Variants in FGF14 observed in about 807,000 individuals in gnomAD.
FGF14 encodes the protein fibroblast growth factor 14.
Under a neutral mutation model 25.5 loss-of-function variants are expected in FGF14, and 5 were observed. That is an observed-to-expected ratio of 0.20 (90% CI 0.10 to 0.41). The LOEUF is 0.41. Ranked by LOEUF, FGF14 falls within the 10% of genes least tolerant of loss-of-function variation. The pLI is 1.00. For synonymous variants in FGF14, 138 were observed against 118.3 expected, an observed-to-expected ratio of 1.17 and a Z score of -1.08; for missense variants, 222 against 320.1, an observed-to-expected ratio of 0.69 and a Z score of 2.34.
chr13:101,915,552 C>CAG (rs938651003), intron 1 of FGF14, among the ~76,000 whole-genome samples: 5 of 152,068 alleles, frequency 3.3e-5, no homozygotes, highest in African/African-American at 7.2e-5. Flanking sequence ...CAGAGACAGG[C>CAG]AGAGAGAGAG....
At chr13:101,903,238 G>GGTGTGTGT (rs3065974) in intron 1 of FGF14, among the ~76,000 whole-genome samples, 6,438 of 149,540 alleles carry the variant, frequency 0.043, 230 homozygotes, top group African/African-American at 0.093. Flanking sequence ...CTCTAATTGT[G>GGTGTGTGT]GTGTGTGTGT....
intron 3 of FGF14, among the ~76,000 whole-genome samples, chr13:101,823,598 C>T (rs939117242): frequency 6.7e-6 from 1 of 150,356 alleles, no homozygotes; most frequent in Admixed American, 6.6e-5. Context: ...CCACTATGCC[C>T]AGCTAACTTT....
At chr13:101,749,540 A>C (rs1043589671) in intron 3 of FGF14, among the ~76,000 whole-genome samples, 2 of 152,098 alleles carry the variant, frequency 1.3e-5, no homozygotes, top group Non-Finnish European at 2.9e-5. Context: ...TAAAATTTCT[A>C]AGTATGCAAA....
At chr13:102,190,628 T>C (rs1441579792) in intron 1 of FGF14, among the ~76,000 whole-genome samples, 1 of 152,126 alleles carries the variant, frequency 6.6e-6, no homozygotes, top group Non-Finnish European at 1.5e-5. Flanking sequence ...TAGATAAGGA[T>C]AAAACCAATG....
chr13:101,982,539 A>T (rs1337985284), intron 1 of FGF14, among the ~76,000 whole-genome samples: 2 of 152,200 alleles, frequency 1.3e-5, no homozygotes, highest in Non-Finnish European at 2.9e-5. Flanking sequence ...CTTTTATGTG[A>T]ATGTCTAACT....
At position 102,401,210 on chromosome 13, in the gene FGF14, T is replaced by TA. The variant is rs112789825; in HGVS notation, c.208+260dup. ...ACCAAACATAGGCAACCAAATACATTAAAAAAAAAAAAAAAGTTTCCTCCT... is the reference window on the plus strand; with the variant it reads ...ACCAAACATAGGCAACCAAATACATTAAAAAAAAAAAAAAAAGTTTCCTCCT... On this transcript the variant is annotated intron_variant, in intron 1 of 4. Transcript: ENST00000376131. Among the ~76,000 whole-genome samples the TA allele has an allele frequency of 0.052, 7,066 of 136,482 alleles. 399 individuals carry two copies. Among genetic ancestry groups the TA allele is most frequent in the African/African-American group, 0.16 (5,789 of 37,346 alleles). 89.5% of individuals were successfully genotyped at this position (136,482 alleles called of 152,430 possible). A position where few individuals can be genotyped will look rare whatever the true frequency, so the allele number is the denominator to read the frequency against.
At chr13:102,227,793 G>C (rs1028609150) in intron 1 of FGF14, among the ~76,000 whole-genome samples, 27 of 152,092 alleles carry the variant, frequency 1.8e-4, no homozygotes, top group African/African-American at 6.3e-4. Flanking sequence ...AGGAAATGTA[G>C]GATTCTGTTC....
intron 1 of FGF14, among the ~76,000 whole-genome samples, chr13:102,020,084 TTGA>T (rs780244613): frequency 1.3e-4 from 20 of 152,088 alleles, no homozygotes; most frequent in Non-Finnish European, 1.3e-4. Context: ...AATCATGATG[TTGA>T]TGATAATGAA....
intron 3 of FGF14, among the ~76,000 whole-genome samples, chr13:101,812,794 G>C (rs993039330): frequency 2.7e-5 from 4 of 148,834 alleles, no homozygotes; most frequent in African/African-American, 9.9e-5. Context: ...AGCCTCCTGA[G>C]TAGCTGGGAT....
chr13:102,026,599 T>G (rs1016571272), intron 1 of FGF14, among the ~76,000 whole-genome samples: 2 of 152,018 alleles, frequency 1.3e-5, no homozygotes, highest in Non-Finnish European at 2.9e-5. Context: ...CTGTATTATT[T>G]GTCGTCTATA....
At chr13:102,366,838 A>G (rs569235237) in intron 1 of FGF14, among the ~76,000 whole-genome samples, 2 of 152,326 alleles carry the variant, frequency 1.3e-5, no homozygotes, top group African/African-American at 4.8e-5. Flanking sequence ...CTAGCAGAGT[A>G]TATCATTTTT....
At chr13:101,954,990 A>C (rs1441667856) in intron 1 of FGF14, among the ~76,000 whole-genome samples, 1 of 152,236 alleles carries the variant, frequency 6.6e-6, no homozygotes, top group Non-Finnish European at 1.5e-5. Flanking sequence ...TTCCAAAATA[A>C]AAATTAGACA....
chr13:101,720,842 A>G lies in FGF14; in HGVS notation c.*1989T>C, dbSNP rs1340319861. ...TGTAATTTAGCATCATTGGCAATAA[A>G]TCTACTCAAACGTTCTGCTAACTTT... On this transcript the variant is annotated 3_prime_UTR_variant, in exon 5 of 5. Transcript: ENST00000376143. 14 of 152,130 alleles carry G rather than the reference A, an allele frequency of 9.2e-5. No individual in the cohort carries two copies. The highest frequency in any genetic ancestry group is 9.2e-4 in the Admixed American group (14 of 15,256). 9.4% of individuals were successfully genotyped at this position (152,130 alleles called of 1,614,324 possible). A position where few individuals can be genotyped will look rare whatever the true frequency, so the allele number is the denominator to read the frequency against.
At chr13:102,239,635 C>A (rs147414638) in intron 1 of FGF14, among the ~76,000 whole-genome samples, 2 of 152,138 alleles carry the variant, frequency 1.3e-5, no homozygotes. Flanking sequence ...TGAAATAATG[C>A]CCCTAACCAA....
At chr13:101,846,929 T>C (rs2043494294) in intron 3 of FGF14, among the ~76,000 whole-genome samples, 1 of 152,072 alleles carries the variant, frequency 6.6e-6, no homozygotes, top group South Asian at 2.1e-4. Context: ...GAAGAAGTCA[T>C]GCAGTATAAT....
At chr13:101,996,269 C>T (rs546792852) in intron 1 of FGF14, among the ~76,000 whole-genome samples, 1 of 152,136 alleles carries the variant, frequency 6.6e-6, no homozygotes, top group African/African-American at 2.4e-5. Context: ...TAGTTTGAGG[C>T]AGATCATGGC....
intron 1 of FGF14, among the ~76,000 whole-genome samples, chr13:102,165,163 A>C (rs558047661): frequency 5.0e-4 from 76 of 151,974 alleles, no homozygotes; most frequent in African/African-American, 1.5e-3. Flanking sequence ...AGTCAGGAAA[A>C]AACAGGTGCT....
At chr13:102,379,809 G>C (rs991503241) in intron 1 of FGF14, among the ~76,000 whole-genome samples, 3 of 151,914 alleles carry the variant, frequency 2.0e-5, no homozygotes, top group African/African-American at 7.2e-5. Flanking sequence ...AATATTTTTT[G>C]CTATCATAAA....
At chr13:101,837,830 G>A (rs1004751688) in intron 3 of FGF14, among the ~76,000 whole-genome samples, 1 of 151,996 alleles carries the variant, frequency 6.6e-6, no homozygotes, top group African/African-American at 2.4e-5. Context: ...TGTCTGTGAG[G>A]GTGTTGCCAA....
Sources: allele counts gnomAD v4.1 joint callset (sites outside exome capture counted in the v4.1 genomes callset), GRCh38; gene constraint gnomAD v4.1.1; transcripts MANE v1.5; gene names NCBI Gene and HGNC (gene_info 2026-07-23, HGNC 2026-07-21).